Variants in PDE3A observed in about 807,000 individuals in gnomAD.
The protein encoded by PDE3A is phosphodiesterase 3A.
PDE3A carries 43 observed loss-of-function variants against 98.3 expected under a neutral mutation model. The observed-to-expected ratio is 0.44, with a 90% CI of 0.34 to 0.56. The LOEUF (loss-of-function observed/expected upper bound fraction) is 0.56. Ranked by LOEUF, PDE3A falls within the 20% of genes least tolerant of loss-of-function variation. PDE3A has a pLI of 0.01. For missense variants in PDE3A, 1,427 were observed against 1,440.7 expected (o/e 0.99, Z 0.15); for synonymous variants, 663 against 567.9 (o/e 1.17, Z -2.38).
intron 2 of PDE3A, among the ~76,000 whole-genome samples, chr12:20,606,068 T>C (rs552668312): frequency 6.6e-6 from 1 of 152,232 alleles, no homozygotes; most frequent in Admixed American, 6.5e-5. Flanking sequence ...ATTATCTTCA[T>C]CTACACCCCA....
chr12:20,552,597 G>C lies in PDE3A; in HGVS notation c.961-4063G>C. 1 of 1,613,722 alleles carries C rather than the reference G, an allele frequency of 6.2e-7. No individual in the cohort carries two copies. The highest frequency in any genetic ancestry group is 8.5e-7 in the Non-Finnish European group (1 of 1,179,812). On this transcript the variant is annotated intron_variant, in intron 1 of 15. Transcript: ENST00000359062. The surrounding 1 kb of genome is among the most constrained non-coding windows in gnomAD (Gnocchi z 5.1). ...AGCGGAAGTCGGCAGGAGGTGGCCC[G>C]AGCAGGGCCGGGTCCCCGCGCCGGA...
chr12:20,544,105 G>T (rs1314824049), intron 1 of PDE3A, among the ~76,000 whole-genome samples: 1 of 151,012 alleles, frequency 6.6e-6, no homozygotes, highest in Non-Finnish European at 1.5e-5. Flanking sequence ...TGGTGCCTTT[G>T]GGTTGGCAGT....
intron 1 of PDE3A, 28 bp downstream of exon 1, chr12:20,370,272 T>C: frequency 6.7e-7 from 1 of 1,489,848 alleles, no homozygotes. Context: ...CTCTCTCGGC[T>C]CTTGGAAACT....
intron 10 of PDE3A, among the ~76,000 whole-genome samples, chr12:20,645,206 AG>A (rs1944748940): frequency 6.6e-6 from 1 of 151,974 alleles, no homozygotes; most frequent in Non-Finnish European, 1.5e-5. Context: ...AGTTTCTTTA[AG>A]CTCTTCTGAT....
intron 1 of PDE3A, among the ~76,000 whole-genome samples, chr12:20,433,850 A>C (rs963390640): frequency 1.1e-4 from 16 of 152,024 alleles, no homozygotes; most frequent in African/African-American, 3.9e-4. Context: ...TTATAGATGG[A>C]TTGTGGAGAG....
chr12:20,571,243 A>G (rs866412793), intron 2 of PDE3A, among the ~76,000 whole-genome samples: 12 of 152,300 alleles, frequency 7.9e-5, no homozygotes, highest in Middle Eastern at 3.4e-3. Flanking sequence ...GATAATGAGA[A>G]TAATGTTTGA....
In PDE3A at chr12:20,429,452, A is replaced by G. The variant is rs144458479; in HGVS notation, c.960+59208A>G. Among the ~76,000 whole-genome samples, 319 of 152,312 alleles carry G rather than the reference A, an allele frequency of 2.1e-3. 1 individual carries two copies. Among genetic ancestry groups the G allele is most frequent in the African/African-American group, 7.3e-3 (302 of 41,570 alleles). ...GTGAAAAATTTGAGAGAATAGTGGT[A>G]TGAAGAACATTTTGAATGCAAGGCT... On this transcript the variant is annotated intron_variant, in intron 1 of 15. Transcript: ENST00000359062.
chr12:20,408,752 CTA>C (rs777611549), intron 1 of PDE3A, among the ~76,000 whole-genome samples: 13 of 152,136 alleles, frequency 8.5e-5, no homozygotes, highest in South Asian at 4.1e-4. Flanking sequence ...TTGCCGTTCT[CTA>C]TCTTATGCTT....
intron 1 of PDE3A, among the ~76,000 whole-genome samples, chr12:20,501,699 A>T (rs2121084804): frequency 6.6e-6 from 1 of 152,332 alleles, no homozygotes; most frequent in Non-Finnish European, 1.5e-5. Flanking sequence ...TAGTGATTGT[A>T]AATATTTAAG....
rs3059415 is a variant in PDE3A at position 20,680,826 on chromosome 12, CTGTGTGTG to C, written c.*592_*599del. 3.3e-3 allele frequency: 461 copies of C among 138,054 alleles called. No homozygotes were observed. The highest frequency in any genetic ancestry group is 0.011 in the Middle Eastern group (3 of 280). 8.6% of individuals were successfully genotyped at this position (138,054 alleles called of 1,614,324 possible). ...TGAATTCTGATACATCCTGCCAACA[CTGTGTGTG>C]TGTGTGTGTGTGTGTGTGTGTGTGT... is the stretch of plus-strand genomic sequence containing the variant. On this transcript the variant is annotated 3_prime_UTR_variant, in exon 16 of 16. Transcript: ENST00000359062.
intron 2 of PDE3A, among the ~76,000 whole-genome samples, chr12:20,589,358 G>A (rs1392012346): frequency 6.6e-6 from 1 of 152,174 alleles, no homozygotes; most frequent in African/African-American, 2.4e-5. Flanking sequence ...CATGGTTGCT[G>A]TAAATTATAT....
intron 2 of PDE3A, among the ~76,000 whole-genome samples, chr12:20,610,639 TGAA>T (rs2121442572): frequency 6.6e-6 from 1 of 151,982 alleles, no homozygotes; most frequent in South Asian, 2.1e-4. Flanking sequence ...AATGAATGGA[TGAA>T]GAAAACATGG....
chr12:20,621,129 C>G (rs775643387), intron 4 of PDE3A, among the ~76,000 whole-genome samples, 167 bp from the exon 5 acceptor site: 17 of 152,040 alleles, frequency 1.1e-4, no homozygotes, highest in Non-Finnish European at 2.1e-4. Context: ...TTTACATAAT[C>G]TGTTTCATCA....
chr12:20,578,665 A>G (rs1942997362), intron 2 of PDE3A, among the ~76,000 whole-genome samples: 1 of 152,112 alleles, frequency 6.6e-6, no homozygotes, highest in African/African-American at 2.4e-5. Flanking sequence ...AGGGCTAGAT[A>G]CATTTTTAAA....
chr12:20,677,181 T>C (rs375803184), intron 15 of PDE3A, among the ~76,000 whole-genome samples: 16 of 152,306 alleles, frequency 1.1e-4, no homozygotes, highest in African/African-American at 3.6e-4. Flanking sequence ...TTCCAGAGTT[T>C]GTCTTTGGTT....
chr12:20,536,599 G>A (rs958294053), intron 1 of PDE3A, among the ~76,000 whole-genome samples: 5 of 151,898 alleles, frequency 3.3e-5, no homozygotes, highest in African/African-American at 1.2e-4. Context: ...TTATAGATTT[G>A]CCTATTCCAG....
chr12:20,379,039 C>T (rs1943619543), intron 1 of PDE3A, among the ~76,000 whole-genome samples: 1 of 151,606 alleles, frequency 6.6e-6, no homozygotes, highest in South Asian at 2.1e-4. Flanking sequence ...AAAAATTTTC[C>T]ATCTTGTGAA....
chr12:20,385,303 A>G (rs1029552429), intron 1 of PDE3A, among the ~76,000 whole-genome samples: 1 of 151,992 alleles, frequency 6.6e-6, no homozygotes, highest in Non-Finnish European at 1.5e-5. Context: ...GTGCTGGAGA[A>G]GATGTGGAGA....
At chr12:20,619,760 A>T (rs769950176) in intron 4 of PDE3A, among the ~76,000 whole-genome samples, 8 of 152,108 alleles carry the variant, frequency 5.3e-5, no homozygotes. Flanking sequence ...CCACATTTCA[A>T]ATGTCCTCAT....
Sources: allele counts gnomAD v4.1 joint callset (sites outside exome capture counted in the v4.1 genomes callset), GRCh38; gene constraint gnomAD v4.1.1; non-coding constraint Gnocchi (gnomAD v3.1); transcripts MANE v1.5; gene names NCBI Gene and HGNC (gene_info 2026-07-23, HGNC 2026-07-21).